The following KAZN variants were observed in gnomAD, a reference collection of about 807,000 sequenced individuals.
KAZN encodes the protein kazrin.
A neutral mutation model predicts 87.4 loss-of-function variants in KAZN; 40 were observed. That is an observed-to-expected ratio of 0.46 (90% CI 0.36 to 0.60). KAZN has a LOEUF of 0.60. KAZN is among the 20% of genes least tolerant of loss of function. The pLI is 0.00. For missense variants in KAZN, 898 were observed against 1,073.9 expected (o/e 0.84, Z 2.29); for synonymous variants, 466 against 458.3 (o/e 1.02, Z -0.22).
chr1:14,408,180 T>G (rs1380686228), intron 2 of KAZN, among the ~76,000 whole-genome samples: 2 of 152,238 alleles, frequency 1.3e-5, no homozygotes, highest in Admixed American at 1.3e-4. Flanking sequence ...CTTACATTTT[T>G]GCTGGGGTCT....
chr1:13,906,383 C>T (rs1297885450), intron 1 of KAZN, among the ~76,000 whole-genome samples: 5 of 152,132 alleles, frequency 3.3e-5, no homozygotes, highest in Non-Finnish European at 4.4e-5. Context: ...CTCCTGGGGG[C>T]GGGCTTCGTT....
intron 1 of KAZN, among the ~76,000 whole-genome samples, chr1:14,893,398 C>G (rs1293038094): frequency 2.6e-5 from 4 of 152,122 alleles, no homozygotes; most frequent in Non-Finnish European, 2.9e-5. Flanking sequence ...GAAATGGCCC[C>G]TGGGAGAGGA....
chr1:13,942,536 G>A (rs1640972148), intron 1 of KAZN, among the ~76,000 whole-genome samples: 1 of 105,430 alleles, frequency 9.5e-6, no homozygotes. Context: ...GACAGAGCGA[G>A]ACTCCGTCTC....
chr1:14,806,983 A>G (rs946070831), intron 1 of KAZN, among the ~76,000 whole-genome samples: 1 of 152,176 alleles, frequency 6.6e-6, no homozygotes, highest in African/African-American at 2.4e-5. Context: ...AGGGATCTGC[A>G]TGGATCCAGG....
intron 1 of KAZN, among the ~76,000 whole-genome samples, chr1:14,015,239 A>G (rs1372062737): frequency 1.3e-5 from 2 of 151,988 alleles, no homozygotes; most frequent in Non-Finnish European, 2.9e-5. Flanking sequence ...AAGTCACCAG[A>G]CTTTCCTCTT....
At chr1:14,535,359 A>G (rs1036327780) in intron 2 of KAZN, among the ~76,000 whole-genome samples, 4 of 152,252 alleles carry the variant, frequency 2.6e-5, no homozygotes, top group African/African-American at 7.2e-5. Context: ...CCAAGTTATC[A>G]TAATGCAAAG....
chr1:14,778,582 A>G (rs1645246107), intron 1 of KAZN, among the ~76,000 whole-genome samples: 1 of 151,936 alleles, frequency 6.6e-6, no homozygotes, highest in South Asian at 2.1e-4. Context: ...TCTCAGTACT[A>G]ATGCCACCTC....
intron 2 of KAZN, among the ~76,000 whole-genome samples, chr1:14,544,163 T>C (rs986617904): frequency 6.6e-6 from 1 of 152,094 alleles, no homozygotes; most frequent in African/African-American, 2.4e-5. Flanking sequence ...AAGAATCACT[T>C]GGGTAAATTA....
intron 2 of KAZN, among the ~76,000 whole-genome samples, chr1:15,028,275 G>A (rs749301234): frequency 3.9e-5 from 6 of 152,196 alleles, no homozygotes; most frequent in East Asian, 3.9e-4. Flanking sequence ...CCTGCTGGGC[G>A]TGACATCACC....
At chr1:14,686,599 C>T (rs1006925115) in intron 1 of KAZN, among the ~76,000 whole-genome samples, 5 of 152,242 alleles carry the variant, frequency 3.3e-5, no homozygotes, top group Non-Finnish European at 7.3e-5. Flanking sequence ...CAAAATCAGC[C>T]TGACCCTTCA....
At chr1:14,319,939 A>C (rs1415681725) in intron 2 of KAZN, among the ~76,000 whole-genome samples, 2 of 152,086 alleles carry the variant, frequency 1.3e-5, no homozygotes, top group African/African-American at 4.8e-5. Flanking sequence ...ATTTATTTCA[A>C]CTGTAACTTA....
chr1:14,797,066 GT>G (rs1557499037), intron 1 of KAZN, among the ~76,000 whole-genome samples: 2 of 152,056 alleles, frequency 1.3e-5, no homozygotes, highest in East Asian at 3.9e-4. Flanking sequence ...TTGTTTTTTG[GT>G]TTTTGTTTTT....
intron 1 of KAZN, among the ~76,000 whole-genome samples, chr1:14,699,979 G>A (rs774098438): frequency 3.9e-5 from 6 of 152,172 alleles, no homozygotes; most frequent in South Asian, 4.1e-4. Context: ...GAAATTGCAC[G>A]TGCAAAGGCT....
rs368086785 is a variant in KAZN, at chr1:15,085,430, C to T, written c.1223-8750C>T. On this transcript the variant is annotated intron_variant, in intron 8 of 14. Coordinates refer to ENST00000376030, the MANE Select transcript of KAZN (RefSeq NM_201628.3). ...GCAACCTCCACCTCCCAGGTACAAG[C>T]GATTCTCCTGCCTCAGCCTCCTGAG... 2.6e-4 allele frequency among the ~76,000 whole-genome samples: 40 copies of T among 152,274 alleles called. No individual in the cohort carries two copies. In the East Asian group the frequency reaches 4.2e-3, roughly 16 times the overall value.
At chr1:14,293,201 T>C (rs1387767020) in intron 2 of KAZN, among the ~76,000 whole-genome samples, 2 of 152,206 alleles carry the variant, frequency 1.3e-5, no homozygotes, top group Non-Finnish European at 2.9e-5. Context: ...TTCTCCCAAA[T>C]TTCTCCAGCC....
At chr1:13,915,820 C>T (rs1279548250) in intron 1 of KAZN, among the ~76,000 whole-genome samples, 1 of 152,218 alleles carries the variant, frequency 6.6e-6, no homozygotes, top group African/African-American at 2.4e-5. Context: ...TCTGCATAGT[C>T]TGTGATACAT....
At chr1:15,107,059 A>T (rs996363892) in intron 13 of KAZN, among the ~76,000 whole-genome samples, 1 of 152,220 alleles carries the variant, frequency 6.6e-6, no homozygotes, top group African/African-American at 2.4e-5. Context: ...GACTGGAACC[A>T]GAGCAGGACT....
chr1:14,283,777 C>T (rs2100724008), intron 2 of KAZN, among the ~76,000 whole-genome samples: 1 of 152,276 alleles, frequency 6.6e-6, no homozygotes, highest in Middle Eastern at 3.4e-3. Context: ...CCATCATTAA[C>T]ATATACAGGT....
intron 2 of KAZN, among the ~76,000 whole-genome samples, chr1:14,382,326 T>C (rs1661434517): frequency 6.6e-6 from 1 of 152,150 alleles, no homozygotes. Flanking sequence ...CAATTCTTTT[T>C]TTTATTATAC....
Sources: gnomAD v4.1 joint callset for allele counts (sites outside exome capture counted in the v4.1 genomes callset) on GRCh38, gnomAD v4.1.1 for gene constraint, MANE v1.5 for transcripts, NCBI Gene and HGNC (gene_info 2026-07-23, HGNC 2026-07-21) for gene names.